HCFC2: variants seen among roughly 807,000 people sequenced by gnomAD.
The protein encoded by HCFC2 is host cell factor 2.
Under a neutral mutation model 89.2 loss-of-function variants are expected in HCFC2, and 18 were observed. The ratio of observed to expected loss-of-function variants is 0.20; its 90% CI spans 0.14 to 0.30. HCFC2 has a LOEUF of 0.30. Ranked by LOEUF, HCFC2 falls within the 10% of genes least tolerant of loss-of-function variation. The pLI, the probability that HCFC2 is intolerant of heterozygous loss-of-function variation, is 1.00. For synonymous variants in HCFC2, 308 were observed against 335.7 expected (o/e 0.92, Z 0.90); for missense variants, 578 against 956.1 (o/e 0.60, Z 5.21).
chr12:104,084,471 G>A (rs1396482778), intron 7 of HCFC2, among the ~76,000 whole-genome samples: 1 of 152,146 alleles, frequency 6.6e-6, no homozygotes, highest in African/African-American at 2.4e-5. Flanking sequence ...GTCTGAGATG[G>A]GAATACTTGG....
chr12:104,077,183 T>C (rs1429150997), intron 3 of HCFC2, among the ~76,000 whole-genome samples: 1 of 152,218 alleles, frequency 6.6e-6, no homozygotes, highest in Admixed American at 6.5e-5. Context: ...TATTTTCTTC[T>C]TTTGACATTG....
At position 104,082,742 on chromosome 12, in the gene HCFC2, G is replaced by C. The variant is rs759074795; in HGVS notation, c.904G>C (p.Asp302His). Residue 302 changes from aspartate to histidine, a missense_variant, in exon 7 of 15, where the codon GAT becomes CAT. By Grantham distance (81) the Asp-to-His change is moderately conservative. Transcript: ENST00000229330. ...DTTEWTTLVS[D>H]SQEDKKNSRP... The stretch of plus-strand genomic sequence containing the variant: ...AACAGAGTGGACCACCCTAGTATCA[G>C]ATTCTCAGGAAGATAAAAAAAATTC... The C allele has an allele frequency of 6.2e-7, 1 of 1,613,634 alleles. No homozygotes were observed. Among genetic ancestry groups the C allele is most frequent in the Non-Finnish European group, 8.5e-7 (1 of 1,179,836 alleles).
At chr12:104,070,773 C>T (rs190661346) in intron 3 of HCFC2, among the ~76,000 whole-genome samples, 2 of 151,720 alleles carry the variant, frequency 1.3e-5, no homozygotes, top group East Asian at 3.9e-4. Context: ...AAAAAATTAT[C>T]CCACCACAGT....
intron 3 of HCFC2, among the ~76,000 whole-genome samples, chr12:104,078,065 CT>C (rs1410599275): frequency 6.6e-6 from 1 of 152,188 alleles, no homozygotes; most frequent in Non-Finnish European, 1.5e-5. Flanking sequence ...GTGGCACGAT[CT>C]TGGCTCACTG....
intron 12 of HCFC2, chr12:104,097,632 G>A (rs1884214689): frequency 1.4e-5 from 14 of 977,260 alleles, no homozygotes; most frequent in Non-Finnish European, 1.7e-5. Flanking sequence ...TAACTGAAGT[G>A]CACATTTGTT....
rs913872536 is a variant in HCFC2, at chr12:104,064,856, G to C, written c.163+133G>C. Reference sequence around the variant, plus strand: ...TCCTTGGGCGGGCGGCGGGGAGCGCGGCTCAGCCGGGCAGCCCGGGTCCGG... The same window carrying C: ...TCCTTGGGCGGGCGGCGGGGAGCGCCGCTCAGCCGGGCAGCCCGGGTCCGG... On this transcript the variant is annotated intron_variant, in intron 1 of 14. Transcript: ENST00000229330. The surrounding 1 kb of genome is among the most constrained non-coding windows in gnomAD (Gnocchi z 7.3). 6.6e-6 allele frequency: 5 copies of C among 762,062 alleles called. No individual in the cohort carries two copies. The highest frequency in any genetic ancestry group is 3.7e-5 in the African/African-American group (2 of 53,482). The allele number at this position is 762,062 out of a possible 1,614,324, so 47.2% of individuals were successfully genotyped here.
chr12:104,103,261 A>G lies in HCFC2; in HGVS notation c.2367A>G (p.Ala789=), dbSNP rs769892091. The G allele has an allele frequency of 1.2e-6, 2 of 1,606,252 alleles. No homozygotes were observed. Among genetic ancestry groups the G allele is most frequent in the South Asian group, 2.2e-5 (2 of 90,552 alleles). Residue 789 remains alanine, a synonymous_variant, in exon 15 of 15, where the codon GCA becomes GCG. Coordinates refer to ENST00000229330, the MANE Select transcript of HCFC2 (RefSeq NM_013320.3). ...GGCTTCAAGGTAACAATAAGAAAGC[A>G]CCTTTAAATTGAATTGGTTTTTTTA... ...VRWLQGNNKK[A]PLN
intron 13 of HCFC2, among the ~76,000 whole-genome samples, chr12:104,099,564 G>T (rs1884279334): frequency 6.6e-6 from 1 of 151,014 alleles, no homozygotes. Flanking sequence ...TAGCACCTGT[G>T]AATAGCCACT....
intron 13 of HCFC2, among the ~76,000 whole-genome samples, chr12:104,099,254 G>A (rs1003184075): frequency 6.6e-6 from 1 of 152,056 alleles, no homozygotes; most frequent in South Asian, 2.1e-4. Context: ...AGGGGGGATG[G>A]TGCTAAACCA....
chr12:104,081,523 T>C (rs1270756874), intron 5 of HCFC2, among the ~76,000 whole-genome samples: 6 of 152,032 alleles, frequency 3.9e-5, no homozygotes, highest in Admixed American at 2.6e-4. Flanking sequence ...TAGAATTTAA[T>C]GAAATATTTA....
At chr12:104,070,266 G>C (rs1176601266) in intron 3 of HCFC2, among the ~76,000 whole-genome samples, 2 of 152,146 alleles carry the variant, frequency 1.3e-5, no homozygotes, top group Non-Finnish European at 2.9e-5. Context: ...CTGACCTCGT[G>C]ATCTGCCCAC....
At chr12:104,066,338 C>T (rs1433885776) in intron 2 of HCFC2, 23 bp downstream of exon 2, 1 of 1,515,256 alleles carries the variant, frequency 6.6e-7, no homozygotes, top group East Asian at 2.4e-5. Context: ...AATATTGTTT[C>T]ATTCTGAGGC....
chr12:104,081,105 T>A (rs558940168), intron 5 of HCFC2, among the ~76,000 whole-genome samples: 8 of 152,356 alleles, frequency 5.3e-5, no homozygotes, highest in African/African-American at 1.9e-4. Context: ...GCCAAACTAA[T>A]CACCTAACTC....
At chr12:104,096,200 G>C (rs936239707) in intron 11 of HCFC2, among the ~76,000 whole-genome samples, 160 bp from the exon 12 acceptor site, 1 of 152,002 alleles carries the variant, frequency 6.6e-6, no homozygotes, top group Non-Finnish European at 1.5e-5. Flanking sequence ...AATACCCTCT[G>C]GCTGTTTTTT....
intron 4 of HCFC2, 74 bp from the exon 5 acceptor site, chr12:104,080,672 T>C: frequency 2.3e-6 from 2 of 865,772 alleles, no homozygotes; most frequent in Non-Finnish European, 3.6e-6. Flanking sequence ...TTGTTTTATT[T>C]TTTAAAATTA....
chr12:104,080,010 T>C (rs1883633157), intron 4 of HCFC2, among the ~76,000 whole-genome samples: 1 of 152,180 alleles, frequency 6.6e-6, no homozygotes, highest in Non-Finnish European at 1.5e-5. Context: ...GGTTACCCTA[T>C]CTACAGGAAA....
chr12:104,103,254 A>G lies in HCFC2; in HGVS notation c.2360A>G (p.Lys787Arg). The change falls in exon 15 of 15, where the codon AAG becomes AGG. Residue 787 changes from lysine (K) to arginine (R), a missense_variant. Transcript: ENST00000229330. ...GTTCGGTGGCTTCAAGGTAACAATA[A>G]GAAAGCACCTTTAAATTGAATTGGT... ...TQVRWLQGNNKKAPLN is the reference protein window; with the variant it reads ...TQVRWLQGNNRKAPLN 6.2e-7 allele frequency: 1 copy of G among 1,610,404 alleles called. No homozygotes were observed. Among genetic ancestry groups the G allele is most frequent in the Non-Finnish European group, 8.5e-7 (1 of 1,177,194 alleles).
chr12:104,098,374 T>C lies in HCFC2; in HGVS notation c.1772T>C (p.Val591Ala), dbSNP rs540566979. The change falls in exon 13 of 15, where the codon GTG (valine) becomes GCG (alanine). Residue 591 changes from valine to alanine, a missense_variant. Val to Ala is a moderately conservative substitution (Grantham distance 64, BLOSUM62 0). Transcript: ENST00000229330. The stretch of plus-strand genomic sequence containing the variant: ...ACTCCTTCAAATCCAGTGGCCACAG[T>C]GAAAGCGGGAGAACGACAATGGTGT... ...KETPSNPVAT[V>A]KAGERQWCDV... 30 of 1,610,476 alleles carry C rather than the reference T, an allele frequency of 1.9e-5. 2 individuals carry two copies. The Admixed American group carries it at 3.7e-4, about 20-fold the overall frequency.
intron 3 of HCFC2, among the ~76,000 whole-genome samples, chr12:104,069,846 C>G (rs1284416862): frequency 6.6e-6 from 1 of 152,066 alleles, no homozygotes; most frequent in South Asian, 2.1e-4. Context: ...CTCTCCCTCC[C>G]CTTGCCCTGC....
Sources: allele counts gnomAD v4.1 joint callset (sites outside exome capture counted in the v4.1 genomes callset), GRCh38; gene constraint gnomAD v4.1.1; non-coding constraint Gnocchi (gnomAD v3.1); transcripts MANE v1.5; gene names NCBI Gene and HGNC (gene_info 2026-07-23, HGNC 2026-07-21).